Variants in PPM1D observed in about 807,000 individuals in gnomAD.
PPM1D encodes protein phosphatase, Mg2+/Mn2+ dependent 1D.
PPM1D carries 52 observed loss-of-function variants against 58.3 expected under a neutral mutation model. The ratio of observed to expected loss-of-function variants is 0.89; its 90% CI spans 0.71 to 1.12. The LOEUF is 1.12. Among genes scored for constraint, PPM1D ranks in the 50% most tolerant of loss-of-function variants. The pLI, the probability that PPM1D is intolerant of heterozygous loss-of-function variation, is 0.00. For synonymous variants in PPM1D, 278 were observed against 285.1 expected (o/e 0.98, Z 0.25); for missense variants, 564 against 777.2 (o/e 0.73, Z 3.26).
At chr17:60,661,249 GTTTA>G (rs1387101517) in intron 5 of PPM1D, among the ~76,000 whole-genome samples, 1 of 150,772 alleles carries the variant, frequency 6.6e-6, no homozygotes, top group Non-Finnish European at 1.5e-5. Flanking sequence ...AAGGAAAGGT[GTTTA>G]TTTATAGGAG....
Position 60,647,897 on chromosome 17 carries a change from T to C in PPM1D, c.832T>C (p.Leu278=). ...TTTCTGCTCCCTTCCCCCAGGTGAT[T>C]TGTGGAGCTATGATTTCTTCAGTGG... ...FLAVARALGD[L]WSYDFFSGEF... Residue 278 remains leucine (L), a synonymous_variant, in exon 4 of 6, where the codon TTG becomes CTG. Coordinates refer to ENST00000305921, the MANE Select transcript of PPM1D (RefSeq NM_003620.4). 6.2e-7 allele frequency: 1 copy of C among 1,610,850 alleles called. No individual in the cohort carries two copies.
At chr17:60,639,219 G>T (rs1315938868) in intron 3 of PPM1D, among the ~76,000 whole-genome samples, 3 of 151,754 alleles carry the variant, frequency 2.0e-5, no homozygotes, top group Non-Finnish European at 4.4e-5. Context: ...AGGTTCAAGC[G>T]ATTCTCCTGC....
At chr17:60,627,841 A>G (rs2030840703) in intron 2 of PPM1D, among the ~76,000 whole-genome samples, 1 of 152,068 alleles carries the variant, frequency 6.6e-6, no homozygotes, top group Non-Finnish European at 1.5e-5. Context: ...ATATTCTTAC[A>G]TTAACAGCCA....
chr17:60,636,538 A>G (rs923987243), intron 3 of PPM1D, among the ~76,000 whole-genome samples: 2 of 152,194 alleles, frequency 1.3e-5, no homozygotes, highest in African/African-American at 4.8e-5. Flanking sequence ...TGGGGCCTGT[A>G]TAATAATTCT....
intron 3 of PPM1D, among the ~76,000 whole-genome samples, chr17:60,634,562 C>T (rs1235412589): frequency 6.6e-6 from 1 of 152,120 alleles, no homozygotes; most frequent in Non-Finnish European, 1.5e-5. Context: ...TTAAGTATCC[C>T]ATTCTCCTTT....
intron 3 of PPM1D, among the ~76,000 whole-genome samples, chr17:60,636,722 C>T (rs757326242): frequency 6.6e-5 from 10 of 151,332 alleles, no homozygotes; most frequent in Non-Finnish European, 1.0e-4. Flanking sequence ...GAGATGAGGT[C>T]TCACTCTGTG....
intron 2 of PPM1D, among the ~76,000 whole-genome samples, chr17:60,633,331 C>T (rs1236087759): frequency 2.0e-5 from 3 of 152,098 alleles, no homozygotes; most frequent in East Asian, 1.9e-4. Context: ...TCTGCTGTTT[C>T]GCCCGTCCTC....
At chr17:60,608,282 A>T (rs2143624361) in intron 1 of PPM1D, among the ~76,000 whole-genome samples, 1 of 152,324 alleles carries the variant, frequency 6.6e-6, no homozygotes, top group Middle Eastern at 3.4e-3. Flanking sequence ...GTAAAACTAG[A>T]TTTCTTTGCA....
intron 2 of PPM1D, among the ~76,000 whole-genome samples, chr17:60,625,165 A>G (rs989798328): frequency 9.2e-5 from 14 of 152,142 alleles, no homozygotes; most frequent in Non-Finnish European, 1.9e-4. Flanking sequence ...AATAAAATAA[A>G]ATAAAGTACT....
intron 2 of PPM1D, among the ~76,000 whole-genome samples, chr17:60,628,656 A>G (rs1024515679): frequency 6.6e-6 from 1 of 152,164 alleles, no homozygotes; most frequent in Non-Finnish European, 1.5e-5. Context: ...TGTTTGTAAT[A>G]TACTAGGTCA....
intron 2 of PPM1D, among the ~76,000 whole-genome samples, chr17:60,632,981 A>G (rs903857388): frequency 4.6e-5 from 7 of 151,686 alleles, no homozygotes; most frequent in Middle Eastern, 6.8e-3. Flanking sequence ...ATAAATAAAT[A>G]AAAATAAACA....
intron 1 of PPM1D, among the ~76,000 whole-genome samples, chr17:60,607,697 G>C (rs1342553575): frequency 6.6e-6 from 1 of 152,234 alleles, no homozygotes; most frequent in African/African-American, 2.4e-5. Context: ...AGAAGATGGT[G>C]AATGAAGTGC....
At chr17:60,638,335 A>G (rs2031065527) in intron 3 of PPM1D, among the ~76,000 whole-genome samples, 2 of 152,030 alleles carry the variant, frequency 1.3e-5, no homozygotes, top group South Asian at 4.1e-4. Flanking sequence ...GCTTTGCTGT[A>G]TTACTTTTCA....
intron 1 of PPM1D, among the ~76,000 whole-genome samples, chr17:60,616,468 G>A (rs563866845): frequency 1.3e-5 from 2 of 152,100 alleles, no homozygotes; most frequent in South Asian, 4.2e-4. Context: ...ATATTAGCCT[G>A]GTGTGGTGGC....
chr17:60,651,184 G>T (rs942034897), intron 4 of PPM1D, among the ~76,000 whole-genome samples: 2 of 152,246 alleles, frequency 1.3e-5, no homozygotes, highest in Middle Eastern at 6.8e-3. Context: ...GCATTGATGG[G>T]AAGGGAAACA....
rs200629673 is a variant in PPM1D at position 60,652,248 on chromosome 17, GT to G, written c.1017+4167del. Among the ~76,000 whole-genome samples the G allele has an allele frequency of 1.0e-2, 1,519 of 152,078 alleles. 16 individuals carry two copies. The highest frequency in any genetic ancestry group is 0.032 in the African/African-American group (1,341 of 41,486). ...CATATGAGTGAGATCATGTCTTTCT[GT>G]GCTTGGATTATTTCATTTAGCATAA... On this transcript the variant is annotated intron_variant, in intron 4 of 5. Coordinates refer to ENST00000305921, the MANE Select transcript of PPM1D (RefSeq NM_003620.4).
rs559919027 is a variant in PPM1D, at chr17:60,606,990, T to C, written c.472+6104T>C. ...CTACAGGCATGCGCCCAGCTAATTTTTTTTTTTAATTTTTTTTTTTTATAG... is the reference window on the plus strand; with the variant it reads ...CTACAGGCATGCGCCCAGCTAATTTCTTTTTTTAATTTTTTTTTTTTATAG... On this transcript the variant is annotated intron_variant, in intron 1 of 5. Transcript: ENST00000305921. Among the ~76,000 whole-genome samples the C allele has an allele frequency of 4.3e-4, 65 of 151,064 alleles. 1 individual carries two copies. The South Asian group carries it at 0.013, about 31-fold the overall frequency.
chr17:60,624,456 AT>A (rs1167314288), intron 2 of PPM1D, among the ~76,000 whole-genome samples: 4 of 152,222 alleles, frequency 2.6e-5, no homozygotes, highest in African/African-American at 9.6e-5. Context: ...TTAAATCAAA[AT>A]TGGTCTTTTG....
chr17:60,650,068 T>G (rs1181448899), intron 4 of PPM1D, among the ~76,000 whole-genome samples: 2 of 152,172 alleles, frequency 1.3e-5, no homozygotes, highest in Non-Finnish European at 2.9e-5. Flanking sequence ...ATAAAGTGTT[T>G]TAAGATGAGT....
Sources: allele counts gnomAD v4.1 joint callset (sites outside exome capture counted in the v4.1 genomes callset), GRCh38; gene constraint gnomAD v4.1.1; transcripts MANE v1.5; gene names NCBI Gene and HGNC (gene_info 2026-07-23, HGNC 2026-07-21).